Variants in HPN observed in about 807,000 individuals in gnomAD.
HPN encodes hepsin.
HPN carries 13 observed loss-of-function variants against 55.9 expected under a neutral mutation model. The observed-to-expected ratio is 0.23, with a 90% CI of 0.15 to 0.37. HPN has a LOEUF of 0.37. HPN is among the 10% of genes least tolerant of loss of function. The pLI is 1.00. For missense variants in HPN, 451 were observed against 575.8 expected (o/e 0.78, Z 2.22); for synonymous variants, 225 against 240.3 (o/e 0.94, Z 0.59).
chr19:35,046,111 TGGG>T (rs1021394614), intron 2 of HPN, among the ~76,000 whole-genome samples: 2 of 151,984 alleles, frequency 1.3e-5, no homozygotes, highest in African/African-American at 2.4e-5. Context: ...TGGGCAGAGT[TGGG>T]GGGCAGGCCT....
intron 9 of HPN, among the ~76,000 whole-genome samples, chr19:35,063,971 TA>T (rs1240495978): frequency 1.3e-5 from 2 of 152,242 alleles, no homozygotes; most frequent in Non-Finnish European, 2.9e-5. Context: ...TGAACACTGG[TA>T]AATGTTAGCA....
chr19:35,066,447 C>T lies in HPN; in HGVS notation c.*160C>T. 1.1e-6 allele frequency: 1 copy of T among 943,734 alleles called. No homozygotes were observed. Among genetic ancestry groups the T allele is most frequent in the Admixed American group, 2.5e-5 (1 of 39,300 alleles). 58.5% of individuals were successfully genotyped at this position (943,734 alleles called of 1,614,324 possible). A position where few individuals can be genotyped will look rare whatever the true frequency, so the allele number is the denominator to read the frequency against. Reference sequence around the variant, plus strand: ...TCTCTTCCACAGTGGCGGGCCCACTCAGCCCCGAGACCACCCAACCTCACC... The same window carrying T: ...TCTCTTCCACAGTGGCGGGCCCACTTAGCCCCGAGACCACCCAACCTCACC... On this transcript the variant is annotated 3_prime_UTR_variant, in exon 13 of 13. Coordinates refer to ENST00000672452, the MANE Select transcript of HPN (RefSeq NM_001384133.1).
Position 35,066,319 on chromosome 19 carries a change from C to T in HPN, c.*32C>T. The stretch of plus-strand genomic sequence containing the variant: ...GCTTCTCGCTGCGCAGCCTCCAGGG[C>T]CCGAGGTGATCCCGGTGGTGGGATC... On this transcript the variant is annotated 3_prime_UTR_variant, in exon 13 of 13. Transcript: ENST00000672452. 1.3e-6 allele frequency: 2 copies of T among 1,597,958 alleles called. No individual in the cohort carries two copies.
rs2064597801 is a variant in HPN, at chr19:35,065,573, C to T, written c.942C>T (p.Val314=). 6.2e-7 allele frequency: 1 copy of T among 1,613,988 alleles called. No individual in the cohort carries two copies. Among genetic ancestry groups the T allele is most frequent in the Admixed American group, 1.7e-5 (1 of 60,002 alleles). Residue 314 remains valine, a synonymous_variant, in exon 11 of 13, where the codon GTC becomes GTT. Coordinates refer to ENST00000672452, the MANE Select transcript of HPN (RefSeq NM_001384133.1). ...CCGGGGTACTCCAGGAGGCTCGAGT[C>T]CCCATAATCAGCAATGATGTCTGCA... The part of the protein sequence containing the change: ...QQAGVLQEAR[V]PIISNDVCNG...
intron 4 of HPN, among the ~76,000 whole-genome samples, chr19:35,058,239 G>A (rs1158205525): frequency 1.3e-5 from 2 of 150,360 alleles, no homozygotes; most frequent in Non-Finnish European, 3.0e-5. Context: ...GAGTGCAGTG[G>A]CACGATCTTG....
intron 2 of HPN, among the ~76,000 whole-genome samples, chr19:35,048,082 A>AAGAAAGAAGG (rs111546288): frequency 1.0e-5 from 1 of 96,984 alleles, no homozygotes; most frequent in Non-Finnish European, 2.1e-5. Context: ...GAAAGAAAGA[A>AAGAAAGAAGG]AAGGAAGGAA....
chr19:35,060,959 G>A (rs1389339062), intron 9 of HPN, 142 bp downstream of exon 9: 2 of 736,968 alleles, frequency 2.7e-6, no homozygotes, highest in Admixed American at 3.1e-5. Flanking sequence ...CACAAAGTGG[G>A]CCTTAACTAT....
intron 4 of HPN, 81 bp downstream of exon 4, chr19:35,049,597 T>G: frequency 8.0e-7 from 1 of 1,248,792 alleles, no homozygotes; most frequent in Non-Finnish European, 1.1e-6. Flanking sequence ...GCGTATTTGT[T>G]GAATAAATGC....
At chr19:35,057,104 C>A (rs2064462633) in intron 4 of HPN, among the ~76,000 whole-genome samples, 1 of 152,144 alleles carries the variant, frequency 6.6e-6, no homozygotes, top group African/African-American at 2.4e-5. Flanking sequence ...GTTCTTCAAA[C>A]CTGGCTGTAT....
intron 2 of HPN, among the ~76,000 whole-genome samples, chr19:35,047,146 T>A (rs1029238821): frequency 2.6e-5 from 4 of 152,124 alleles, no homozygotes; most frequent in Non-Finnish European, 5.9e-5. Flanking sequence ...GCTTTTAATC[T>A]CCAGGACCTC....
At chr19:35,055,851 A>T (rs1390184779) in intron 4 of HPN, among the ~76,000 whole-genome samples, 1 of 152,180 alleles carries the variant, frequency 6.6e-6, no homozygotes, top group African/African-American at 2.4e-5. Context: ...ACAGTGGCTC[A>T]TGCTGGTTCC....
At chr19:35,042,622 G>C (rs2064305614) in intron 2 of HPN, 100 bp downstream of exon 2, 1 of 976,534 alleles carries the variant, frequency 1.0e-6, no homozygotes, top group Non-Finnish European at 1.5e-6. Context: ...CCTCTCTCTG[G>C]GCACCCCTCC....
intron 4 of HPN, among the ~76,000 whole-genome samples, chr19:35,055,301 G>A (rs920061040): frequency 6.6e-6 from 1 of 152,094 alleles, no homozygotes; most frequent in Non-Finnish European, 1.5e-5. Context: ...GGAGGTTGAG[G>A]CGGGAGGATC....
At chr19:35,062,179 T>A (rs2064543157) in intron 9 of HPN, among the ~76,000 whole-genome samples, 1 of 151,636 alleles carries the variant, frequency 6.6e-6, no homozygotes, top group South Asian at 2.1e-4. Context: ...AGATAGAAAG[T>A]TGATTGATGG....
At chr19:35,045,998 A>G (rs2064338088) in intron 2 of HPN, among the ~76,000 whole-genome samples, 1 of 152,220 alleles carries the variant, frequency 6.6e-6, no homozygotes, top group African/African-American at 2.4e-5. Context: ...TGCATTCTGC[A>G]TGGCCTAGAG....
At chr19:35,053,430 C>T (rs1369934134) in intron 4 of HPN, among the ~76,000 whole-genome samples, 2 of 152,120 alleles carry the variant, frequency 1.3e-5, no homozygotes, top group African/African-American at 4.8e-5. Flanking sequence ...GCATTCCCTG[C>T]CCCAACCCCA....
intron 4 of HPN, among the ~76,000 whole-genome samples, chr19:35,052,870 T>C (rs2064418948): frequency 6.6e-6 from 1 of 152,182 alleles, no homozygotes; most frequent in Non-Finnish European, 1.5e-5. Flanking sequence ...TAGAGAGTCA[T>C]GGGCCTCCAG....
At chr19:35,044,960 G>C (rs950153945) in intron 2 of HPN, among the ~76,000 whole-genome samples, 8 of 152,052 alleles carry the variant, frequency 5.3e-5, no homozygotes, top group African/African-American at 1.7e-4. Context: ...GCAGGCTGTC[G>C]GGGGAGGGGA....
chr19:35,064,455 T>G (rs920113425), intron 9 of HPN, among the ~76,000 whole-genome samples: 6 of 151,588 alleles, frequency 4.0e-5, no homozygotes, highest in Admixed American at 2.0e-4. Flanking sequence ...TTCAAGCGAT[T>G]CTCCTGCCTC....
Sources: allele counts gnomAD v4.1 joint callset (sites outside exome capture counted in the v4.1 genomes callset), GRCh38; gene constraint gnomAD v4.1.1; transcripts MANE v1.5; gene names NCBI Gene and HGNC (gene_info 2026-07-23, HGNC 2026-07-21).